TTC39B: variants seen among roughly 807,000 people sequenced by gnomAD.
The protein encoded by TTC39B is tetratricopeptide repeat protein 39B.
Under a neutral mutation model 96.6 loss-of-function variants are expected in TTC39B, and 92 were observed. The observed-to-expected ratio is 0.95, with a 90% CI of 0.80 to 1.13. TTC39B has a LOEUF of 1.13. Among genes scored for constraint, TTC39B ranks in the 50% most tolerant of loss-of-function variants. The pLI, the probability that TTC39B is intolerant of heterozygous loss-of-function variation, is 0.00. For synonymous variants in TTC39B, 367 were observed against 299.4 expected, an observed-to-expected ratio of 1.23 and a Z score of -2.33; for missense variants, 955 against 809.3, an observed-to-expected ratio of 1.18 and a Z score of -2.18.
At chr9:15,213,356 TC>T (rs1296129650) in intron 4 of TTC39B, among the ~76,000 whole-genome samples, 15 of 152,216 alleles carry the variant, frequency 9.9e-5, no homozygotes, top group Non-Finnish European at 1.6e-4. Context: ...CATCATTTGT[TC>T]TTAACCTGTG....
Position 15,306,939 on chromosome 9 carries a change from C to G in TTC39B, c.240+145G>C. ...CGGGGACAGACCTACCAAGGCCGGG[C>G]GCCCCCACCCGGCGCCCGCCAGCCC... is the stretch of plus-strand genomic sequence containing the variant. On this transcript the variant is annotated intron_variant, in intron 1 of 19. Coordinates refer to ENST00000512701, the Ensembl canonical transcript of TTC39B. The surrounding 1 kb of genome is among the most constrained non-coding windows in gnomAD (Gnocchi z 5.1). 2.6e-6 allele frequency: 3 copies of G among 1,156,444 alleles called. No homozygotes were observed. Among genetic ancestry groups the G allele is most frequent in the Non-Finnish European group, 3.6e-6 (3 of 834,260 alleles). 71.6% of individuals were successfully genotyped at this position (1,156,444 alleles called of 1,614,324 possible).
At chr9:15,270,249 A>G (rs10810367) in intron 1 of TTC39B, among the ~76,000 whole-genome samples, 32,555 of 152,094 alleles carry the variant, frequency 0.21, 4,323 homozygotes, top group Admixed American at 0.35. Flanking sequence ...CTACATTAAT[A>G]TCATACTCCA....
At chr9:15,192,146 A>G (rs542490860) in intron 9 of TTC39B, among the ~76,000 whole-genome samples, 14 of 152,204 alleles carry the variant, frequency 9.2e-5, no homozygotes, top group Non-Finnish European at 1.9e-4. Context: ...AACCATCAAT[A>G]AAATTTAAAA....
chr9:15,291,136 G>A (rs1199493620), intron 1 of TTC39B, among the ~76,000 whole-genome samples: 2 of 152,152 alleles, frequency 1.3e-5, no homozygotes, highest in Non-Finnish European at 2.9e-5. Flanking sequence ...CCTCTCTTGT[G>A]GAAACACATT....
chr9:15,241,836 G>A (rs543615895), intron 2 of TTC39B, among the ~76,000 whole-genome samples: 1 of 149,234 alleles, frequency 6.7e-6, no homozygotes, highest in Non-Finnish European at 1.5e-5. Flanking sequence ...TCTGCCTCCT[G>A]GGTTCAAGCA....
chr9:15,164,458 G>C (rs374466432), exon 20 of TTC39B: 2 of 152,152 alleles, frequency 1.3e-5, no homozygotes, highest in Non-Finnish European at 2.9e-5. Flanking sequence ...CAGAGGTTTT[G>C]AGGTGGGCAG....
intron 3 of TTC39B, among the ~76,000 whole-genome samples, chr9:15,220,194 G>T (rs1820767773): frequency 6.6e-6 from 1 of 152,124 alleles, no homozygotes; most frequent in Non-Finnish European, 1.5e-5. Flanking sequence ...CCAAATCCAA[G>T]TCCCCTGCAC....
intron 16 of TTC39B, among the ~76,000 whole-genome samples, chr9:15,183,879 ACAGT>A (rs1818380064): frequency 6.6e-6 from 1 of 152,184 alleles, no homozygotes; most frequent in South Asian, 2.1e-4. Flanking sequence ...TTGCTCCGTC[ACAGT>A]CACAGAATGG....
chr9:15,192,098 C>A (rs1818890787), intron 9 of TTC39B, among the ~76,000 whole-genome samples: 1 of 152,200 alleles, frequency 6.6e-6, no homozygotes, highest in Non-Finnish European at 1.5e-5. Context: ...CATGTGTATA[C>A]TTCTCTTGAT....
exon 11 of TTC39B, chr9:15,190,599 A>G (rs1818799774): frequency 2.5e-6 from 4 of 1,614,130 alleles, no homozygotes; most frequent in Non-Finnish European, 3.4e-6. Context: ...ATGGTTAAGC[A>G]GCACAGTGCA....
At chr9:15,214,276 A>G in intron 3 of TTC39B, 27 bp from the exon 4 acceptor site, 1 of 1,561,214 alleles carries the variant, frequency 6.4e-7, no homozygotes, top group Non-Finnish European at 8.8e-7. Flanking sequence ...AAGCACAGAG[A>G]ATTTCTATAG....
chr9:15,249,702 A>C (rs762719128), intron 2 of TTC39B: 15 of 211,588 alleles, frequency 7.1e-5, no homozygotes, highest in Non-Finnish European at 1.3e-4. Context: ...GGAAGTTTTA[A>C]AAAGGTTGGG....
intron 1 of TTC39B, among the ~76,000 whole-genome samples, chr9:15,287,763 G>A (rs192867483): frequency 3.9e-5 from 6 of 151,978 alleles, no homozygotes; most frequent in East Asian, 1.9e-4. Flanking sequence ...TGGCTAACAC[G>A]GTGAAACCCC....
intron 2 of TTC39B, among the ~76,000 whole-genome samples, chr9:15,228,567 T>A (rs1821257985): frequency 6.6e-6 from 1 of 152,144 alleles, no homozygotes. Flanking sequence ...AAAACAAAAC[T>A]TAAGCTTAGC....
chr9:15,256,741 A>C (rs1460866172), intron 2 of TTC39B, among the ~76,000 whole-genome samples: 1 of 152,202 alleles, frequency 6.6e-6, no homozygotes, highest in Admixed American at 6.5e-5. Flanking sequence ...GAGTGAGGGC[A>C]AACACGCTCC....
chr9:15,226,065 A>C lies in TTC39B; in HGVS notation c.276-53T>G, dbSNP rs115817502. 1,358 of 1,520,616 alleles carry C rather than the reference A, an allele frequency of 8.9e-4. 4 individuals carry two copies. The African/African-American group carries it at 0.017, about 19-fold the overall frequency. 94.2% of individuals were successfully genotyped at this position (1,520,616 alleles called of 1,614,324 possible). ...TTTTTATTTCTTTGTCCTGTGAGAA[A>C]AGTCTACACCAGTGCAATTACACAA... On this transcript the variant is annotated intron_variant, in intron 2 of 19. Coordinates refer to ENST00000512701, the Ensembl canonical transcript of TTC39B.
exon 14 of TTC39B, chr9:15,188,091 T>C (rs151093046): frequency 2.0e-4 from 327 of 1,609,462 alleles, no homozygotes; most frequent in Non-Finnish European, 4.2e-5. Context: ...ACTGTTTCCA[T>C]TCTTCTTGAA....
chr9:15,167,003 TATATATATATATATA>T lies in TTC39B; in HGVS notation c.*5001_*5015del, dbSNP rs1817534949. 8.4e-3 allele frequency: 71 copies of T among 8,466 alleles called. 6 individuals carry two copies. Among genetic ancestry groups the T allele is most frequent in the African/African-American group, 0.021 (61 of 2,946 alleles). 0.5% of individuals were successfully genotyped at this position (8,466 alleles called of 1,614,324 possible). On this transcript the variant is annotated 3_prime_UTR_variant, in exon 20 of 20. Coordinates refer to ENST00000512701, the Ensembl canonical transcript of TTC39B. The stretch of plus-strand genomic sequence containing the variant: ...TATTTTATATATATATATATATATA[TATATATATATATATA>T]TATATATATATTTTTTTTTTTTTTT...
chr9:15,214,352 G>GTC, intron 3 of TTC39B, 103 bp from the exon 4 acceptor site: 9 of 771,056 alleles, frequency 1.2e-5, no homozygotes, highest in African/African-American at 1.8e-5. Context: ...GTGTGTCTGT[G>GTC]TGTGTGTGTC....
Sources: allele counts gnomAD v4.1 joint callset (sites outside exome capture counted in the v4.1 genomes callset), GRCh38; gene constraint gnomAD v4.1.1; non-coding constraint Gnocchi (gnomAD v3.1); transcripts MANE v1.5; gene names NCBI Gene and HGNC (gene_info 2026-07-23, HGNC 2026-07-21).